The following HTT variants were observed in gnomAD, a reference collection of about 807,000 sequenced individuals.
HTT encodes the protein huntingtin.
Under a neutral mutation model 362.3 loss-of-function variants are expected in HTT, and 104 were observed. The observed-to-expected ratio is 0.29, with a 90% CI of 0.24 to 0.34. The LOEUF (loss-of-function observed/expected upper bound fraction) is 0.34. Among genes scored for constraint, HTT ranks in the 10% least tolerant of loss-of-function variants. The pLI, the probability that HTT is intolerant of heterozygous loss-of-function variation, is 1.00. For synonymous variants in HTT, 1,577 were observed against 1,548.7 expected, an observed-to-expected ratio of 1.02 and a Z score of -0.43; for missense variants, 3,301 against 3,928.6, an observed-to-expected ratio of 0.84 and a Z score of 4.27.
In HTT at chr4:3,243,040, C is replaced by A. The variant is rs1721882297; in HGVS notation, c.*2981C>A. 1 of 152,520 alleles carries A rather than the reference C, an allele frequency of 6.6e-6. No homozygotes were observed. The highest frequency in any genetic ancestry group is 1.5e-5 in the Non-Finnish European group (1 of 68,042). The allele number at this position is 152,520 out of a possible 1,614,324, so 9.4% of individuals were successfully genotyped here. ...AGAAGGCCCTGTGCCCTAAAGGACA[C>A]CCCTCGCCCCCATCTTCATGGAGGG... On this transcript the variant is annotated 3_prime_UTR_variant, in exon 67 of 67. Coordinates refer to ENST00000355072, the MANE Select transcript of HTT (RefSeq NM_001388492.1).
chr4:3,187,307 C>G (rs1718812710), intron 38 of HTT, among the ~76,000 whole-genome samples: 1 of 151,802 alleles, frequency 6.6e-6, no homozygotes, highest in Non-Finnish European at 1.5e-5. Flanking sequence ...AGGTGCGTGC[C>G]ACTGTGCCCG....
intron 21 of HTT, among the ~76,000 whole-genome samples, chr4:3,138,361 C>A (rs1490589322): frequency 1.3e-5 from 2 of 151,818 alleles, no homozygotes; most frequent in African/African-American, 4.8e-5. Flanking sequence ...TACCTTGTAC[C>A]CAATATGTAG....
At position 3,172,963 on chromosome 4, in the gene HTT, C is replaced by T. The variant is rs924030806; in HGVS notation, c.3998C>T (p.Ser1333Phe). 2 of 1,614,182 alleles carry T rather than the reference C, an allele frequency of 1.2e-6. No homozygotes were observed. The highest frequency in any genetic ancestry group is 1.7e-6 in the Non-Finnish European group (2 of 1,180,038). The change falls in exon 31 of 67, where the codon TCC becomes TTC. Residue 1333 changes from serine to phenylalanine, a missense_variant. Physicochemically the swap from Ser to Phe is radical, Grantham distance 155. Coordinates refer to ENST00000355072, the MANE Select transcript of HTT (RefSeq NM_001388492.1). The part of the protein sequence containing the change: ...NLASQFDGLS[S>F]NPSKSQGRAQ... The stretch of plus-strand genomic sequence containing the variant: ...GCCTCCCAGTTTGATGGCTTATCTT[C>T]CAACCCCAGCAAGTCACAAGGCCGA...
At position 3,187,835 on chromosome 4, in the gene HTT, A is replaced by G. The variant is rs1202290909; in HGVS notation, c.5174A>G (p.Glu1725Gly). The change falls in exon 39 of 67, where the codon GAA becomes GGA. Residue 1725 changes from glutamate to glycine, a missense_variant. This residue lies in a region of HTT where 2,316 missense variants were observed against 2,658.5 expected (regional missense o/e 0.87). Transcript: ENST00000355072. Reference protein sequence around the residue: ...RDGDSTSTLEEHSEGKQIKNL... With the variant: ...RDGDSTSTLEGHSEGKQIKNL... ...GGGGACAGTACTTCAACGCTAGAAG[A>G]ACACAGTGAAGGGAAACAAATAAAG... 8.1e-6 allele frequency: 13 copies of G among 1,613,324 alleles called. No homozygotes were observed. The highest frequency in any genetic ancestry group is 7.6e-6 in the Non-Finnish European group (9 of 1,179,398).
At chr4:3,147,899 T>C in intron 25 of HTT, 106 bp from the exon 26 acceptor site, 1 of 814,378 alleles carries the variant, frequency 1.2e-6, no homozygotes, top group Non-Finnish European at 1.9e-6. Context: ...GGCACAGATG[T>C]CTGGCCAACT....
intron 3 of HTT, 56 bp from the exon 4 acceptor site, chr4:3,103,768 G>C: frequency 9.1e-7 from 1 of 1,104,094 alleles, no homozygotes; most frequent in Non-Finnish European, 1.4e-6. Context: ...CTTTTAGCTC[G>C]TTTTAGAACT....
chr4:3,138,513 A>G (rs1048756539), intron 21 of HTT, among the ~76,000 whole-genome samples: 1 of 152,134 alleles, frequency 6.6e-6, no homozygotes, highest in Non-Finnish European at 1.5e-5. Context: ...TACTCCCACT[A>G]CCAGAATGTG....
At chr4:3,238,673 CCCAGCAGATTCG>C (rs1721657671) in intron 65 of HTT, 64 bp downstream of exon 65, 2 of 1,523,396 alleles carry the variant, frequency 1.3e-6, no homozygotes, top group East Asian at 2.3e-5. Context: ...CCTCCGACTT[CCCAGCAGATTCG>C]CCAGCAGAGC....
intron 61 of HTT, among the ~76,000 whole-genome samples, chr4:3,235,022 G>T (rs763649968): frequency 8.5e-5 from 13 of 152,206 alleles, no homozygotes; most frequent in Admixed American, 2.0e-4. Flanking sequence ...CCAGCATGGA[G>T]GTGGCCACAG....
At chr4:3,239,592 C>A (rs1184433516) in intron 66 of HTT, among the ~76,000 whole-genome samples, 2 of 152,244 alleles carry the variant, frequency 1.3e-5, no homozygotes, top group African/African-American at 4.8e-5. Flanking sequence ...CAGCGCTGCA[C>A]AGGAGCCAGG....
chr4:3,168,695 C>T (rs6813198), intron 29 of HTT, among the ~76,000 whole-genome samples: 5,719 of 152,132 alleles, frequency 0.038, 311 homozygotes, highest in African/African-American at 0.12. Context: ...TATCTGCAAA[C>T]CGGGAAACTG....
chr4:3,202,282 G>A (rs965800402), intron 41 of HTT, among the ~76,000 whole-genome samples: 6 of 152,136 alleles, frequency 3.9e-5, no homozygotes, highest in African/African-American at 1.4e-4. Context: ...GAGATTTGGG[G>A]GGGCTTGTGC....
intron 14 of HTT, 62 bp from the exon 15 acceptor site, chr4:3,131,224 G>A: frequency 8.3e-7 from 1 of 1,203,788 alleles, no homozygotes; most frequent in Non-Finnish European, 1.2e-6. Flanking sequence ...TCTGTTGAAT[G>A]AACTAATGCA....
chr4:3,093,807 G>A (rs551268847), intron 2 of HTT, among the ~76,000 whole-genome samples: 11 of 151,172 alleles, frequency 7.3e-5, no homozygotes, highest in East Asian at 3.9e-4. Context: ...GAAGAGGCAC[G>A]GAGCAGTTCT....
intron 51 of HTT, among the ~76,000 whole-genome samples, chr4:3,217,459 G>A (rs893087776): frequency 2.0e-4 from 30 of 152,360 alleles, no homozygotes; most frequent in Non-Finnish European, 1.3e-4. Context: ...AGGCTGAGGA[G>A]CCACAGGATG....
chr4:3,092,393 A>G (rs535788277), intron 2 of HTT, among the ~76,000 whole-genome samples: 4 of 151,964 alleles, frequency 2.6e-5, no homozygotes, highest in Non-Finnish European at 5.9e-5. Flanking sequence ...TATTAAAAAA[A>G]TTTTTTTTAG....
chr4:3,159,426 C>T (rs1351665757), intron 28 of HTT, among the ~76,000 whole-genome samples: 1 of 152,228 alleles, frequency 6.6e-6, no homozygotes, highest in Non-Finnish European at 1.5e-5. Flanking sequence ...CCTTTCTTCC[C>T]TGGGCTCTTC....
At chr4:3,184,374 C>G (rs191001204) in intron 37 of HTT, among the ~76,000 whole-genome samples, 1 of 151,134 alleles carries the variant, frequency 6.6e-6, no homozygotes, top group East Asian at 2.0e-4. Context: ...TGTGGAGGAG[C>G]CTTGAGAGGG....
intron 3 of HTT, among the ~76,000 whole-genome samples, chr4:3,100,188 A>G (rs1714082833): frequency 6.6e-6 from 1 of 152,186 alleles, no homozygotes; most frequent in Non-Finnish European, 1.5e-5. Context: ...AAATGGGATC[A>G]ATGTTTTTGT....
Sources: allele counts gnomAD v4.1 joint callset (sites outside exome capture counted in the v4.1 genomes callset), GRCh38; gene constraint gnomAD v4.1.1; regional missense constraint gnomAD v4.1.1; transcripts MANE v1.5; gene names NCBI Gene and HGNC (gene_info 2026-07-23, HGNC 2026-07-21).